PTPRD: variants seen among roughly 807,000 people sequenced by gnomAD.
PTPRD encodes the protein receptor-type tyrosine-protein phosphatase delta.
A neutral mutation model predicts 214.5 loss-of-function variants in PTPRD; 34 were observed. The ratio of observed to expected loss-of-function variants is 0.16; its 90% CI spans 0.12 to 0.21. The LOEUF (loss-of-function observed/expected upper bound fraction) is 0.21. Among genes scored for constraint, PTPRD ranks in the 10% least tolerant of loss-of-function variants. PTPRD has a pLI of 1.00. For missense variants in PTPRD, 2,545 were observed against 2,398.7 expected, an observed-to-expected ratio of 1.06 and a Z score of -1.27; for synonymous variants, 1,128 against 845.7, an observed-to-expected ratio of 1.33 and a Z score of -5.79.
intron 9 of PTPRD, among the ~76,000 whole-genome samples, chr9:9,219,610 ACAAT>A: frequency 6.6e-6 from 1 of 152,174 alleles, no homozygotes; most frequent in Admixed American, 6.6e-5. Flanking sequence ...ATTGAAACAC[ACAAT>A]CAAGCAAAGG....
intron 11 of PTPRD, among the ~76,000 whole-genome samples, chr9:8,757,469 G>C (rs974164313): frequency 6.6e-6 from 1 of 151,830 alleles, no homozygotes; most frequent in Admixed American, 6.6e-5. Context: ...CATACAGTTT[G>C]GGTGTAAGAA....
rs191842540 is a variant in PTPRD, at chr9:8,868,639, T to C, written c.-103-134693A>G. On this transcript the variant is annotated intron_variant, in intron 11 of 45. Transcript: ENST00000381196. ...TATCTTTAAAGTTGTTTCTTTTTTT[T>C]CTCCCAGCTCTAGGATTCTTTGTGA... Among the ~76,000 whole-genome samples the C allele has an allele frequency of 8.8e-4, 134 of 152,300 alleles. 1 individual carries two copies. The East Asian group carries it at 0.023, about 26-fold the overall frequency.
At chr9:9,081,818 T>A (rs1158300122) in intron 10 of PTPRD, among the ~76,000 whole-genome samples, 3 of 150,542 alleles carry the variant, frequency 2.0e-5, no homozygotes, top group African/African-American at 4.9e-5. Context: ...GGATTGCAAC[T>A]CCTGCTTTTT....
intron 10 of PTPRD, among the ~76,000 whole-genome samples, chr9:9,169,675 C>A (rs1331568603): frequency 1.3e-5 from 2 of 152,056 alleles, no homozygotes; most frequent in African/African-American, 4.8e-5. Flanking sequence ...CTGTATTTTG[C>A]TTTCTTGTTG....
intron 3 of PTPRD, among the ~76,000 whole-genome samples, chr9:10,098,409 T>G (rs199978412): frequency 1.2e-3 from 184 of 151,462 alleles, no homozygotes; most frequent in African/African-American, 4.2e-3. Flanking sequence ...CGAGTTAATG[T>G]GTGCAGCACA....
At chr9:8,769,696 A>G (rs1256128663) in intron 11 of PTPRD, among the ~76,000 whole-genome samples, 1 of 152,170 alleles carries the variant, frequency 6.6e-6, no homozygotes, top group Non-Finnish European at 1.5e-5. Flanking sequence ...GAAGGAAAGC[A>G]ACTCTGTTCA....
chr9:9,882,231 C>G (rs559168531), intron 5 of PTPRD, among the ~76,000 whole-genome samples: 5 of 152,054 alleles, frequency 3.3e-5, no homozygotes, highest in Non-Finnish European at 5.9e-5. Context: ...ATTATCATGT[C>G]TCTCATTTTT....
At chr9:9,295,120 G>C (rs1345256075) in intron 9 of PTPRD, among the ~76,000 whole-genome samples, 1 of 151,638 alleles carries the variant, frequency 6.6e-6, no homozygotes, top group Non-Finnish European at 1.5e-5. Context: ...ACAATGAAAA[G>C]CTGGGTAATC....
At chr9:10,253,989 G>A (rs1273048645) in intron 3 of PTPRD, among the ~76,000 whole-genome samples, 2 of 152,154 alleles carry the variant, frequency 1.3e-5, no homozygotes, top group East Asian at 1.9e-4. Context: ...TAATTCTATA[G>A]CAATACATAT....
chr9:9,943,102 G>A (rs535602179), intron 4 of PTPRD, among the ~76,000 whole-genome samples: 1 of 152,038 alleles, frequency 6.6e-6, no homozygotes, highest in Non-Finnish European at 1.5e-5. Flanking sequence ...AGTCTCCTTG[G>A]TCCTGAGACA....
At chr9:9,772,525 G>A (rs906123656) in intron 5 of PTPRD, among the ~76,000 whole-genome samples, 4 of 151,900 alleles carry the variant, frequency 2.6e-5, no homozygotes, top group African/African-American at 9.7e-5. Flanking sequence ...GATATTCCTA[G>A]GTTTCAAAGG....
At chr9:9,184,282 C>G (rs2099930039) in intron 9 of PTPRD, among the ~76,000 whole-genome samples, 1 of 152,058 alleles carries the variant, frequency 6.6e-6, no homozygotes, top group Non-Finnish European at 1.5e-5. Context: ...CAAAACATTT[C>G]CCTTTTCCTT....
At chr9:9,766,730 A>T (rs751986999) in intron 6 of PTPRD, 80 bp downstream of exon 6, 11 of 152,472 alleles carry the variant, frequency 7.2e-5, no homozygotes, top group African/African-American at 2.4e-4. Flanking sequence ...CCAAGCATGC[A>T]ACAGTAATAT....
At chr9:10,277,116 G>C (rs1317553045) in intron 3 of PTPRD, among the ~76,000 whole-genome samples, 2 of 152,010 alleles carry the variant, frequency 1.3e-5, no homozygotes, top group South Asian at 2.1e-4. Context: ...AGCTGATCTG[G>C]AGGTTAATGT....
At chr9:8,869,375 A>G (rs189562121) in intron 11 of PTPRD, among the ~76,000 whole-genome samples, 3 of 152,326 alleles carry the variant, frequency 2.0e-5, no homozygotes, top group Admixed American at 1.3e-4. Context: ...TCCACACTCT[A>G]TTAGTTAAAT....
At chr9:10,289,658 T>C (rs1232819357) in intron 3 of PTPRD, among the ~76,000 whole-genome samples, 1 of 152,196 alleles carries the variant, frequency 6.6e-6, no homozygotes, top group Non-Finnish European at 1.5e-5. Flanking sequence ...GAAGGTTCTT[T>C]ATTCAACACA....
chr9:9,359,368 G>T (rs1042721570), intron 9 of PTPRD, among the ~76,000 whole-genome samples: 1 of 151,156 alleles, frequency 6.6e-6, no homozygotes, highest in Non-Finnish European at 1.5e-5. Context: ...TTGATTTAAT[G>T]GTATGCATGA....
intron 12 of PTPRD, among the ~76,000 whole-genome samples, chr9:8,637,897 G>C (rs978081052): frequency 6.6e-6 from 1 of 152,116 alleles, no homozygotes; most frequent in Non-Finnish European, 1.5e-5. Flanking sequence ...GCATACTACA[G>C]AGTTATATGT....
intron 2 of PTPRD, among the ~76,000 whole-genome samples, chr9:10,471,631 C>G (rs2099031739): frequency 1.3e-5 from 2 of 152,048 alleles, no homozygotes; most frequent in African/African-American, 4.8e-5. Context: ...GTCTCATACA[C>G]AGTATGTGCT....
Sources: allele counts gnomAD v4.1 joint callset (sites outside exome capture counted in the v4.1 genomes callset), GRCh38; gene constraint gnomAD v4.1.1; transcripts MANE v1.5; gene names NCBI Gene and HGNC (gene_info 2026-07-23, HGNC 2026-07-21).